Variants in NEURL1 observed in about 807,000 individuals in gnomAD.
The protein encoded by NEURL1 is E3 ubiquitin-protein ligase NEURL1.
In NEURL1, 26 loss-of-function variants were observed where a neutral mutation model predicts 41.2. That is an observed-to-expected ratio of 0.63 (90% confidence interval 0.46 to 0.87). The LOEUF (loss-of-function observed/expected upper bound fraction) is 0.87. Among genes scored for constraint, NEURL1 ranks in the 40% least tolerant of loss-of-function variants. The probability of loss-of-function intolerance (pLI) is 0.00; values close to 1 mark genes in which losing one functional copy is unlikely to be tolerated. For synonymous variants in NEURL1, 400 were observed against 402.3 expected, an observed-to-expected ratio of 0.99 and a Z score of 0.07; for missense variants, 761 against 871.1, an observed-to-expected ratio of 0.87 and a Z score of 1.59.
chr10:103,540,330 C>T (rs2034793687), intron 1 of NEURL1, among the ~76,000 whole-genome samples: 2 of 152,010 alleles, frequency 1.3e-5, no homozygotes, highest in Non-Finnish European at 2.9e-5. Context: ...TGCTCTTTCA[C>T]CCAGGCTGGA....
At chr10:103,534,624 T>C (rs922572342) in intron 1 of NEURL1, among the ~76,000 whole-genome samples, 2 of 152,194 alleles carry the variant, frequency 1.3e-5, no homozygotes, top group Non-Finnish European at 2.9e-5. Flanking sequence ...TGAGGGCTCT[T>C]GAGGTCCTCC....
In NEURL1 at chr10:103,565,147, C is replaced by G. The variant is rs118149970; in HGVS notation, c.86-5725C>G. Among the ~76,000 whole-genome samples, 1,651 of 152,152 alleles carry G rather than the reference C, an allele frequency of 0.011. 95 individuals carry two copies. In the East Asian group the frequency reaches 0.15, roughly 14 times the overall value. ...ATTGGTAGATGGGGTGAGGGGTGCT[C>G]AGGGGCTCCCCTGGAGCCAGGAACA... On this transcript the variant is annotated intron_variant, in intron 1 of 5. Coordinates refer to ENST00000369780, the MANE Select transcript of NEURL1 (RefSeq NM_004210.5).
intron 4 of NEURL1, among the ~76,000 whole-genome samples, chr10:103,585,679 A>G (rs1315801713): frequency 6.6e-6 from 1 of 152,034 alleles, no homozygotes; most frequent in Non-Finnish European, 1.5e-5. Flanking sequence ...CTAAAAATAC[A>G]AACAATTAGC....
intron 1 of NEURL1, among the ~76,000 whole-genome samples, chr10:103,530,909 G>A (rs1386280264): frequency 6.6e-6 from 1 of 152,034 alleles, no homozygotes; most frequent in East Asian, 1.9e-4. Context: ...CCTGGACAAT[G>A]TTCTATGTGC....
At chr10:103,552,503 G>C (rs1820659411) in intron 1 of NEURL1, among the ~76,000 whole-genome samples, 1 of 152,202 alleles carries the variant, frequency 6.6e-6, no homozygotes, top group African/African-American at 2.4e-5. Flanking sequence ...TTAGCCTTCA[G>C]ATCTTGCCTT....
At chr10:103,538,536 A>G (rs1418111962) in intron 1 of NEURL1, among the ~76,000 whole-genome samples, 6 of 150,862 alleles carry the variant, frequency 4.0e-5, no homozygotes, top group Admixed American at 6.6e-5. Context: ...GTGCCACTGC[A>G]CTCCAGCCTG....
intron 1 of NEURL1, among the ~76,000 whole-genome samples, chr10:103,542,266 T>G (rs1344580830): frequency 6.6e-6 from 1 of 152,156 alleles, no homozygotes; most frequent in African/African-American, 2.4e-5. Context: ...ATTGTTTTTG[T>G]TTTTGGTTTT....
intron 1 of NEURL1, among the ~76,000 whole-genome samples, chr10:103,534,814 T>C (rs1056329043): frequency 1.3e-5 from 2 of 152,016 alleles, no homozygotes; most frequent in Non-Finnish European, 2.9e-5. Context: ...ACCTGGGTCA[T>C]GGGGTGCAAC....
chr10:103,515,648 A>G (rs1318798860), intron 1 of NEURL1, among the ~76,000 whole-genome samples: 2 of 152,262 alleles, frequency 1.3e-5, no homozygotes, highest in Admixed American at 1.3e-4. Context: ...CCAAGAACAA[A>G]TCACCACCTA....
At chr10:103,568,107 AGT>A (rs2035463975) in intron 1 of NEURL1, among the ~76,000 whole-genome samples, 1 of 152,116 alleles carries the variant, frequency 6.6e-6, no homozygotes, top group Middle Eastern at 3.2e-3. Flanking sequence ...TATGCCCGTG[AGT>A]GTGTCTTTTG....
At chr10:103,584,334 T>G (rs1447417080) in intron 3 of NEURL1, among the ~76,000 whole-genome samples, 1 of 152,124 alleles carries the variant, frequency 6.6e-6, no homozygotes, top group Admixed American at 6.5e-5. Context: ...TTTCGGTGCT[T>G]CCCCCCACCT....
intron 3 of NEURL1, 71 bp downstream of exon 3, chr10:103,571,893 C>G: frequency 7.1e-7 from 1 of 1,415,070 alleles, no homozygotes; most frequent in Admixed American, 2.1e-5. Flanking sequence ...CAGCCTGGCA[C>G]TGTTCAATCC....
intron 1 of NEURL1, among the ~76,000 whole-genome samples, chr10:103,548,292 G>C (rs1252662251): frequency 6.6e-6 from 1 of 152,030 alleles, no homozygotes; most frequent in Non-Finnish European, 1.5e-5. Context: ...TATTAAAGCA[G>C]GTCTTCTATT....
chr10:103,529,767 G>A (rs2133858693), intron 1 of NEURL1, among the ~76,000 whole-genome samples: 1 of 152,294 alleles, frequency 6.6e-6, no homozygotes, highest in Non-Finnish European at 1.5e-5. Flanking sequence ...TAATTGAAAA[G>A]TTTTCTTGAC....
intron 3 of NEURL1, among the ~76,000 whole-genome samples, chr10:103,577,306 A>C (rs2035686785): frequency 6.6e-6 from 1 of 152,194 alleles, no homozygotes; most frequent in Non-Finnish European, 1.5e-5. Context: ...TCCCTCATTC[A>C]AAATGACCCT....
intron 1 of NEURL1, among the ~76,000 whole-genome samples, chr10:103,567,291 A>AC (rs2035446280): frequency 6.7e-6 from 1 of 150,044 alleles, no homozygotes; most frequent in African/African-American, 2.5e-5. Flanking sequence ...GCCTGAAGGA[A>AC]CCTTTTTTTT....
At chr10:103,498,532 T>C (rs1564801192) in intron 1 of NEURL1, among the ~76,000 whole-genome samples, 1 of 152,332 alleles carries the variant, frequency 6.6e-6, no homozygotes, top group Non-Finnish European at 1.5e-5. Flanking sequence ...GGCCCATTGT[T>C]TTTTATTGTA....
intron 4 of NEURL1, among the ~76,000 whole-genome samples, chr10:103,588,329 C>T (rs1054097575): frequency 6.6e-6 from 1 of 150,394 alleles, no homozygotes; most frequent in South Asian, 2.1e-4. Flanking sequence ...AAAGAAAGCT[C>T]ATGGTTTCAC....
intron 1 of NEURL1, among the ~76,000 whole-genome samples, chr10:103,553,931 G>A (rs1421989183): frequency 6.6e-6 from 1 of 152,228 alleles, no homozygotes; most frequent in Non-Finnish European, 1.5e-5. Context: ...GCTTGTGTTG[G>A]ATGGTGACAT....
Sources: gnomAD v4.1 joint callset for allele counts (sites outside exome capture counted in the v4.1 genomes callset) on GRCh38, gnomAD v4.1.1 for gene constraint, MANE v1.5 for transcripts, NCBI Gene and HGNC (gene_info 2026-07-23, HGNC 2026-07-21) for gene names.